STAB2: variants seen among roughly 807,000 people sequenced by gnomAD.
STAB2 encodes stabilin 2.
A neutral mutation model predicts 338.1 loss-of-function variants in STAB2; 288 were observed. The observed-to-expected ratio is 0.85, with a 90% CI of 0.77 to 0.94. The LOEUF (loss-of-function observed/expected upper bound fraction) is 0.94, where lower values mean the gene tolerates loss of function less well. Ranked by LOEUF, STAB2 falls within the 40% of genes least tolerant of loss-of-function variation. The pLI, the probability that STAB2 is intolerant of heterozygous loss-of-function variation, is 0.00. For missense variants in STAB2, 3,141 were observed against 3,210.1 expected, an observed-to-expected ratio of 0.98 and a Z score of 0.52; for synonymous variants, 1,202 against 1,193.3, an observed-to-expected ratio of 1.01 and a Z score of -0.15.
chr12:103,764,122 T>A (rs769592540), intron 68 of STAB2, among the ~76,000 whole-genome samples: 1 of 152,108 alleles, frequency 6.6e-6, no homozygotes, highest in Non-Finnish European at 1.5e-5. Flanking sequence ...CCCAGCTAAC[T>A]TTGTATTGTT....
intron 61 of STAB2, among the ~76,000 whole-genome samples, chr12:103,754,647 T>C (rs1381452775): frequency 6.6e-6 from 1 of 152,048 alleles, no homozygotes; most frequent in Admixed American, 6.6e-5. Flanking sequence ...GATGATATTA[T>C]GATGAAGAAT....
intron 28 of STAB2, among the ~76,000 whole-genome samples, chr12:103,689,346 G>T (rs955724115): frequency 1.3e-5 from 2 of 152,084 alleles, no homozygotes; most frequent in African/African-American, 4.8e-5. Context: ...AGCCAGGCAT[G>T]GTGGTGTGTG....
chr12:103,690,110 C>T, intron 29 of STAB2, 128 bp downstream of exon 29: 1 of 1,322,242 alleles, frequency 7.6e-7, no homozygotes. Context: ...CTAGGATTCT[C>T]CTTTCCTCCC....
chr12:103,698,613 C>T (rs551142002), intron 33 of STAB2, among the ~76,000 whole-genome samples: 1 of 152,138 alleles, frequency 6.6e-6, no homozygotes, highest in South Asian at 2.1e-4. Flanking sequence ...GCAGCAACAA[C>T]CCTCCTCACT....
intron 2 of STAB2, among the ~76,000 whole-genome samples, chr12:103,593,681 T>C (rs557211680): frequency 9.8e-4 from 150 of 152,328 alleles, no homozygotes; most frequent in African/African-American, 3.4e-3. Context: ...CATCATCATG[T>C]TATTCTTAAC....
intron 53 of STAB2, among the ~76,000 whole-genome samples, 197 bp from the exon 54 acceptor site, chr12:103,739,215 A>G (rs927721538): frequency 8.6e-5 from 13 of 151,488 alleles, no homozygotes; most frequent in Non-Finnish European, 1.2e-4. Context: ...CGCCTCAAGC[A>G]ATCTTTCTGC....
chr12:103,748,871 C>T lies in STAB2; in HGVS notation c.6245-92C>T, dbSNP rs146007215. ...CGCAGGGGCCCATTTACTCACCCAA[C>T]ACCACTAGTGCTGTGGTGCCCCATA... On this transcript the variant is annotated intron_variant, in intron 58 of 68. Transcript: ENST00000388887. 468 of 1,368,352 alleles carry T rather than the reference C, an allele frequency of 3.4e-4. No homozygotes were observed. In the African/African-American group the frequency reaches 6.1e-3, roughly 18 times the overall value. 84.8% of individuals were successfully genotyped at this position (1,368,352 alleles called of 1,614,324 possible).
chr12:103,588,096 T>C (rs963151245), intron 1 of STAB2, among the ~76,000 whole-genome samples: 1 of 152,162 alleles, frequency 6.6e-6, no homozygotes, highest in Non-Finnish European at 1.5e-5. Context: ...CACCGAACCC[T>C]CAAGCAAGCT....
At chr12:103,762,212 G>T (rs1322005458) in intron 66 of STAB2, 62 bp from the exon 67 acceptor site, 1 of 1,597,574 alleles carries the variant, frequency 6.3e-7, no homozygotes, top group Non-Finnish European at 8.5e-7. Context: ...GGCCACCAAG[G>T]GTTCCCCTTT....
chr12:103,594,253 T>C (rs551454274), intron 2 of STAB2, 142 bp from the exon 3 acceptor site: 4 of 597,782 alleles, frequency 6.7e-6, no homozygotes, highest in African/African-American at 5.5e-5. Context: ...TTATGCTACC[T>C]AGAAAGCCAA....
chr12:103,618,521 C>T lies in STAB2; in HGVS notation c.332-1947C>T, dbSNP rs117158255. Among the ~76,000 whole-genome samples the T allele has an allele frequency of 1.5e-3, 232 of 152,318 alleles. 6 individuals are homozygous for T. In the East Asian group the frequency reaches 0.043, roughly 28 times the overall value. On this transcript the variant is annotated intron_variant, in intron 3 of 68. Coordinates refer to ENST00000388887, the MANE Select transcript of STAB2 (RefSeq NM_017564.10). ...TTATTTTCCACGGATGCTGATTTCA[C>T]ATGCCACAGGGAAGATGTATGGCAG...
intron 40 of STAB2, 111 bp from the exon 41 acceptor site, chr12:103,712,252 ATGAG>A: frequency 3.7e-6 from 3 of 814,676 alleles, no homozygotes; most frequent in Non-Finnish European, 6.6e-6. Flanking sequence ...GGCAGGACTT[ATGAG>A]TGTCTCATGG....
chr12:103,662,048 TA>T (rs1453060437), intron 17 of STAB2, among the ~76,000 whole-genome samples: 1 of 152,086 alleles, frequency 6.6e-6, no homozygotes, highest in African/African-American at 2.4e-5. Flanking sequence ...TTGATTGCAA[TA>T]ATCTGGAGAA....
chr12:103,617,865 C>T (rs1957234743), intron 3 of STAB2, among the ~76,000 whole-genome samples: 1 of 152,164 alleles, frequency 6.6e-6, no homozygotes, highest in Non-Finnish European at 1.5e-5. Flanking sequence ...CTGGCTCTGC[C>T]ACTGCTGTGG....
chr12:103,711,055 A>G (rs1879809971), intron 39 of STAB2, among the ~76,000 whole-genome samples: 1 of 152,260 alleles, frequency 6.6e-6, no homozygotes, highest in Non-Finnish European at 1.5e-5. Flanking sequence ...GCACTCCATA[A>G]TAAAATGATG....
intron 5 of STAB2, 117 bp from the exon 6 acceptor site, chr12:103,631,481 C>A: frequency 6.4e-6 from 6 of 939,988 alleles, no homozygotes; most frequent in East Asian, 2.5e-5. Flanking sequence ...GAGAGAGGAG[C>A]CAAAGTTCAA....
intron 57 of STAB2, among the ~76,000 whole-genome samples, chr12:103,746,149 T>C (rs1204269982): frequency 6.6e-6 from 1 of 152,162 alleles, no homozygotes; most frequent in Non-Finnish European, 1.5e-5. Context: ...TCCTGCTGCC[T>C]GCATGCACTG....
rs200726569 is a variant in STAB2 at position 103,654,774 on chromosome 12, GC to G, written c.1551+78del. ...CCCTGGAGAGTCACATCCAGAGCAT[GC>G]CAGCACTCTGTGCTTGTGCTTCGTT... On this transcript the variant is annotated intron_variant, in intron 13 of 68. Coordinates refer to ENST00000388887, the MANE Select transcript of STAB2 (RefSeq NM_017564.10). The G allele has an allele frequency of 2.4e-3, 3,678 of 1,524,914 alleles. 80 individuals carry two copies. In the African/African-American group the frequency reaches 0.045, roughly 19 times the overall value. 94.5% of individuals were successfully genotyped at this position (1,524,914 alleles called of 1,614,324 possible).
At chr12:103,721,394 G>C (rs1364965332) in intron 44 of STAB2, among the ~76,000 whole-genome samples, 3 of 152,250 alleles carry the variant, frequency 2.0e-5, no homozygotes, top group Non-Finnish European at 4.4e-5. Context: ...GAGAGAGCCA[G>C]TGTGAATGCA....
Sources: allele counts gnomAD v4.1 joint callset (sites outside exome capture counted in the v4.1 genomes callset), GRCh38; gene constraint gnomAD v4.1.1; transcripts MANE v1.5; gene names NCBI Gene and HGNC (gene_info 2026-07-23, HGNC 2026-07-21).